LRRFIP1: variants seen among roughly 807,000 people sequenced by gnomAD.
LRRFIP1 encodes leucine-rich repeat flightless-interacting protein 1.
LRRFIP1 carries 62 observed loss-of-function variants against 104.4 expected under a neutral mutation model. The observed-to-expected ratio is 0.59, with a 90% CI of 0.48 to 0.73. LRRFIP1 has a LOEUF of 0.73. LRRFIP1 is among the 30% of genes least tolerant of loss of function. LRRFIP1 has a pLI of 0.00. For missense variants in LRRFIP1, 796 were observed against 824.5 expected, an observed-to-expected ratio of 0.97 and a Z score of 0.42; for synonymous variants, 300 against 299.0, an observed-to-expected ratio of 1.00 and a Z score of -0.03.
At chr2:237,654,156 A>C (rs1398305527) in intron 1 of LRRFIP1, among the ~76,000 whole-genome samples, 2 of 152,244 alleles carry the variant, frequency 1.3e-5, no homozygotes, top group African/African-American at 4.8e-5. Flanking sequence ...TAAACAAATT[A>C]ATAGCAAGAA....
intron 2 of LRRFIP1, among the ~76,000 whole-genome samples, chr2:237,709,919 C>T (rs986556604): frequency 1.3e-5 from 2 of 151,200 alleles, no homozygotes; most frequent in Non-Finnish European, 2.9e-5. Flanking sequence ...GTGACATGAT[C>T]TCTACTCACT....
chr2:237,646,252 T>C (rs1225531854), intron 1 of LRRFIP1, among the ~76,000 whole-genome samples: 1 of 151,982 alleles, frequency 6.6e-6, no homozygotes, highest in African/African-American at 2.4e-5. Context: ...TACATTTTTT[T>C]CTTCAACTTT....
intron 1 of LRRFIP1, among the ~76,000 whole-genome samples, chr2:237,663,763 G>C (rs1374075947): frequency 4.6e-5 from 7 of 152,218 alleles, no homozygotes; most frequent in Non-Finnish European, 1.0e-4. Flanking sequence ...GGGGACCCGG[G>C]GAAGAGTTCA....
chr2:237,706,345 T>C (rs10195889), intron 1 of LRRFIP1, among the ~76,000 whole-genome samples: 2,612 of 152,152 alleles, frequency 0.017, 92 homozygotes, highest in African/African-American at 0.059. Context: ...TCTGCTCCTC[T>C]TCTTCTTCTT....
In LRRFIP1 at chr2:237,749,313, AG is replaced by A; in HGVS notation, c.787del (p.Glu263LysfsTer8). 1 of 1,613,646 alleles carries A rather than the reference AG, an allele frequency of 6.2e-7. No homozygotes were observed. The highest frequency in any genetic ancestry group is 8.5e-7 in the Non-Finnish European group (1 of 1,179,952). On this transcript the variant is annotated frameshift_variant, in exon 13 of 24. Coordinates refer to ENST00000308482, the MANE Select transcript of LRRFIP1 (RefSeq NM_001137550.2). LOFTEE classifies it high-confidence loss of function. ...CTCCATCGACACCGAGGCATCCATC[AG>A]GGAAATCAAGGTGAGATGCTCTCTT... ...SISIDTEASI[R>X]EIKELNELKD...
chr2:237,682,167 T>C (rs180818560), intron 1 of LRRFIP1, among the ~76,000 whole-genome samples: 1 of 152,310 alleles, frequency 6.6e-6, no homozygotes, highest in African/African-American at 2.4e-5. Flanking sequence ...TGGATGTAAA[T>C]TGTAATTCTA....
chr2:237,704,919 T>A (rs1169989259), intron 1 of LRRFIP1, among the ~76,000 whole-genome samples: 1 of 152,004 alleles, frequency 6.6e-6, no homozygotes, highest in African/African-American at 2.4e-5. Context: ...AAGGTCATTG[T>A]TTTTTAGTCT....
Position 237,738,003 on chromosome 2 carries a change from G to A in LRRFIP1, c.556-1229G>A, listed in dbSNP as rs769766855. ...TTTTAGTCTACAGTTGAAATCATTC[G>A]TTCATTCAACAAGTATTTCTTGAGT... On this transcript the variant is annotated intron_variant, in intron 10 of 23. Transcript: ENST00000308482. 2.6e-5 allele frequency among the ~76,000 whole-genome samples: 4 copies of A among 152,260 alleles called. No individual in the cohort carries two copies. The South Asian group carries it at 6.2e-4, about 24-fold the overall frequency.
intron 1 of LRRFIP1, among the ~76,000 whole-genome samples, chr2:237,706,706 C>T (rs192299498): frequency 2.0e-5 from 3 of 152,336 alleles, no homozygotes; most frequent in African/African-American, 7.2e-5. Context: ...CAGCTCACTA[C>T]AGCCTCAACT....
chr2:237,764,566 T>C (rs1292729622), intron 19 of LRRFIP1: 2 of 1,018,378 alleles, frequency 2.0e-6, no homozygotes, highest in East Asian at 1.8e-4. Flanking sequence ...TTTAAATTAA[T>C]GTCTTGTTCA....
chr2:237,729,761 TTTC>T, intron 8 of LRRFIP1: 1 of 984,530 alleles, frequency 1.0e-6, no homozygotes, highest in South Asian at 4.7e-5. Flanking sequence ...TTAAACGTGT[TTTC>T]TTCTTTGGTG....
At chr2:237,700,680 G>A (rs947554080) in intron 1 of LRRFIP1, among the ~76,000 whole-genome samples, 1 of 152,226 alleles carries the variant, frequency 6.6e-6, no homozygotes, top group African/African-American at 2.4e-5. Flanking sequence ...TCATGGTCCA[G>A]TCCTCTGTCC....
chr2:237,643,413 G>A (rs573497775), intron 1 of LRRFIP1, among the ~76,000 whole-genome samples: 7 of 152,380 alleles, frequency 4.6e-5, no homozygotes, highest in South Asian at 4.1e-4. Context: ...TTCGGTAGAC[G>A]GATGCCGTTG....
In LRRFIP1 at chr2:237,691,963, GC is replaced by G. The variant is rs2092801423; in HGVS notation, c.97-16580del. Among the ~76,000 whole-genome samples, 2 of 148,094 alleles carry G rather than the reference GC, an allele frequency of 1.4e-5. No homozygotes were observed. The highest frequency in any genetic ancestry group is 5.0e-5 in the African/African-American group (2 of 40,070). On this transcript the variant is annotated intron_variant, in intron 1 of 23. Coordinates refer to ENST00000308482, the MANE Select transcript of LRRFIP1 (RefSeq NM_001137550.2). The surrounding 1 kb of genome is among the most constrained non-coding windows in gnomAD (Gnocchi z 5.4). ...GCGGAAGGGCGGGACAGGCCGTGGG[GC>G]GGGGCCTGGGTGGGGCGGAGCCGGT...
chr2:237,714,302 A>C (rs766870361), intron 3 of LRRFIP1, 26 bp downstream of exon 3: 1 of 1,586,132 alleles, frequency 6.3e-7, no homozygotes. Context: ...TTTATTTTCT[A>C]ACTTGCATGT....
Position 237,764,256 on chromosome 2 carries a change from T to C in LRRFIP1, c.1459+4051T>C, listed in dbSNP as rs1348774047. 2.5e-6 allele frequency: 4 copies of C among 1,600,686 alleles called. No homozygotes were observed. In the African/African-American group the frequency reaches 4.0e-5, roughly 16 times the overall value. Reference sequence around the variant, plus strand: ...TTCATAGAGAGGCACTGTATGACAATTACCAGGTGCTCTACTGCTTTAAGT... The same window carrying C: ...TTCATAGAGAGGCACTGTATGACAACTACCAGGTGCTCTACTGCTTTAAGT... On this transcript the variant is annotated intron_variant, in intron 19 of 23. Coordinates refer to ENST00000308482, the MANE Select transcript of LRRFIP1 (RefSeq NM_001137550.2).
At chr2:237,667,673 A>G (rs1310856573) in intron 1 of LRRFIP1, among the ~76,000 whole-genome samples, 1 of 152,166 alleles carries the variant, frequency 6.6e-6, no homozygotes, top group East Asian at 1.9e-4. Context: ...ACTCCCACCA[A>G]CAGTGTCAAA....
rs571755440 is a variant in LRRFIP1 at position 237,711,790 on chromosome 2, G to T, written c.184-2469G>T. 2.0e-5 allele frequency among the ~76,000 whole-genome samples: 3 copies of T among 152,256 alleles called. No individual in the cohort carries two copies. In the East Asian group the frequency reaches 5.8e-4, roughly 29 times the overall value. On this transcript the variant is annotated intron_variant, in intron 2 of 23. Transcript: ENST00000308482. The surrounding 1 kb of genome is among the most constrained non-coding windows in gnomAD (Gnocchi z 4.4). ...GACACCGAGTGAAGCAGCTCTACCG[G>T]GGGGTGGGGAAGCCACTCCTTGTGG...
intron 4 of LRRFIP1, 56 bp from the exon 5 acceptor site, chr2:237,719,467 C>T (rs1006599176): frequency 2.3e-6 from 3 of 1,329,656 alleles, no homozygotes; most frequent in East Asian, 2.3e-5. Context: ...TTTTTTAAAG[C>T]ACTTTTCCTG....
Sources: allele counts gnomAD v4.1 joint callset (sites outside exome capture counted in the v4.1 genomes callset), GRCh38; gene constraint gnomAD v4.1.1; non-coding constraint Gnocchi (gnomAD v3.1); transcripts MANE v1.5; gene names NCBI Gene and HGNC (gene_info 2026-07-23, HGNC 2026-07-21).